MAST4: variants seen among roughly 807,000 people sequenced by gnomAD.
MAST4 encodes the protein microtubule associated serine/threonine kinase family member 4.
MAST4 carries 89 observed loss-of-function variants against 162.7 expected under a neutral mutation model. The observed-to-expected ratio is 0.55, with a 90% confidence interval of 0.46 to 0.65. MAST4 has a LOEUF of 0.65. MAST4 is among the 30% of genes least tolerant of loss of function. MAST4 has a pLI of 0.00. For missense variants in MAST4, 3,153 were observed against 3,374.0 expected (o/e 0.93, Z 1.62); for synonymous variants, 1,479 against 1,361.1 (o/e 1.09, Z -1.91).
chr5:66,662,111 A>G (rs1338190867), intron 1 of MAST4, among the ~76,000 whole-genome samples: 1 of 151,550 alleles, frequency 6.6e-6, no homozygotes, highest in Non-Finnish European at 1.5e-5. Flanking sequence ...ATCAGCCACT[A>G]TTCTAGGCTC....
chr5:66,828,937 G>T, intron 3 of MAST4: 4 of 1,398,164 alleles, frequency 2.9e-6, no homozygotes, highest in Non-Finnish European at 4.0e-6. Flanking sequence ...AGCCATTGAG[G>T]ATTTCAAAGT....
chr5:66,845,182 A>G (rs894197763), intron 3 of MAST4, among the ~76,000 whole-genome samples: 4 of 140,460 alleles, frequency 2.8e-5, no homozygotes, highest in African/African-American at 1.0e-4. Flanking sequence ...GGTTTGTTAC[A>G]TATGTATACA....
chr5:66,914,526 G>T (rs1763977763), intron 4 of MAST4, among the ~76,000 whole-genome samples: 1 of 152,136 alleles, frequency 6.6e-6, no homozygotes, highest in Non-Finnish European at 1.5e-5. Context: ...ATAATGGAGA[G>T]CTCACGCTTA....
chr5:66,681,619 T>C (rs999559288), intron 1 of MAST4, among the ~76,000 whole-genome samples: 1 of 152,242 alleles, frequency 6.6e-6, no homozygotes, highest in Non-Finnish European at 1.5e-5. Context: ...TGCAGGCTTC[T>C]TCCTGAATGT....
chr5:66,936,562 A>G (rs1433159020), intron 4 of MAST4, among the ~76,000 whole-genome samples: 1 of 152,180 alleles, frequency 6.6e-6, no homozygotes, highest in Non-Finnish European at 1.5e-5. Context: ...AGTACGGGTC[A>G]CAAGGTACTC....
chr5:66,608,009 GAA>G (rs967838064), intron 1 of MAST4, among the ~76,000 whole-genome samples: 14 of 151,322 alleles, frequency 9.3e-5, no homozygotes, highest in Non-Finnish European at 1.6e-4. Flanking sequence ...ATTTTGAAAT[GAA>G]ATGATTAAAT....
chr5:66,778,301 T>C (rs1156892176), intron 2 of MAST4, among the ~76,000 whole-genome samples: 1 of 152,156 alleles, frequency 6.6e-6, no homozygotes, highest in Non-Finnish European at 1.5e-5. Flanking sequence ...TCCAGAAAAA[T>C]GCCACCTGAC....
intron 4 of MAST4, among the ~76,000 whole-genome samples, chr5:66,930,466 G>T (rs1401384934): frequency 6.6e-6 from 1 of 152,198 alleles, no homozygotes; most frequent in East Asian, 1.9e-4. Flanking sequence ...CAAAAGGTCT[G>T]ATCTTTAGCT....
chr5:66,785,232 AAAAAC>A (rs1193228316), intron 2 of MAST4, among the ~76,000 whole-genome samples: 2 of 152,204 alleles, frequency 1.3e-5, no homozygotes, highest in Non-Finnish European at 2.9e-5. Flanking sequence ...CCCTGTCTCA[AAAAAC>A]AAAACAAAAC....
Position 66,932,662 on chromosome 5 carries a change from G to A in MAST4, c.674+32680G>A, listed in dbSNP as rs151134651. 6.7e-3 allele frequency among the ~76,000 whole-genome samples: 1,024 copies of A among 152,236 alleles called. 14 individuals carry two copies. The highest frequency in any genetic ancestry group is 0.024 in the African/African-American group (979 of 41,546). On this transcript the variant is annotated intron_variant, in intron 4 of 28. Transcript: ENST00000403625. ...TGATGAAAGTTTTCTCCATATTGGG[G>A]TTGGTAATTAGCTATGCGTGGGTCA...
rs371891806 is a variant in MAST4 at position 67,133,547 on chromosome 5, G to A, written c.2127G>A (p.Leu709=). The A allele has an allele frequency of 6.2e-7, 1 of 1,613,300 alleles. No individual in the cohort carries two copies. Among genetic ancestry groups the A allele is most frequent in the African/African-American group, 1.3e-5 (1 of 74,898 alleles). The change falls in exon 17 of 29, where the codon CTG becomes CTA. Residue 709 remains leucine (L), a synonymous_variant. Coordinates refer to ENST00000403625, the MANE Select transcript of MAST4 (RefSeq NM_001164664.2). ...TTACCTCCATGGGGCACATAAAGCT[G>A]ACAGATTTTGGATTATCTAAGGTGG... is the stretch of plus-strand genomic sequence containing the variant. ...LLVTSMGHIK[L]TDFGLSKVGL...
At chr5:67,058,284 A>G (rs1759106629) in intron 5 of MAST4, among the ~76,000 whole-genome samples, 1 of 152,204 alleles carries the variant, frequency 6.6e-6, no homozygotes, top group Non-Finnish European at 1.5e-5. Flanking sequence ...CAGTGATAGC[A>G]AAGATATGGG....
intron 3 of MAST4, among the ~76,000 whole-genome samples, chr5:66,801,937 G>C (rs1422936242): frequency 6.6e-6 from 1 of 152,172 alleles, no homozygotes. Flanking sequence ...ATAATTGTCA[G>C]CAAATAAAAT....
At chr5:66,707,320 T>C (rs1230172773) in intron 1 of MAST4, among the ~76,000 whole-genome samples, 2 of 152,162 alleles carry the variant, frequency 1.3e-5, no homozygotes, top group East Asian at 1.9e-4. Context: ...GGTGCTGTGA[T>C]AGTAGAGCCA....
chr5:66,874,970 A>G (rs34906198), intron 3 of MAST4, among the ~76,000 whole-genome samples: 1,618 of 152,298 alleles, frequency 0.011, 24 homozygotes, highest in Middle Eastern at 0.037. Context: ...CATAGATGAT[A>G]TAATATAAAG....
At chr5:67,117,707 T>G (rs1012275606) in intron 12 of MAST4, among the ~76,000 whole-genome samples, 5 of 152,074 alleles carry the variant, frequency 3.3e-5, no homozygotes, top group Admixed American at 2.6e-4. Flanking sequence ...ATAAGACCTA[T>G]CATAGATTTA....
intron 21 of MAST4, chr5:67,143,072 G>A (rs538503362): frequency 6.6e-6 from 1 of 152,474 alleles, no homozygotes; most frequent in Non-Finnish European, 1.5e-5. Context: ...AAAGGAGAAG[G>A]CTCAGTCCTT....
At chr5:66,957,429 A>G (rs1745452389) in intron 4 of MAST4, among the ~76,000 whole-genome samples, 1 of 151,874 alleles carries the variant, frequency 6.6e-6, no homozygotes, top group African/African-American at 2.4e-5. Flanking sequence ...TCCCGCCTCA[A>G]CCTTCTGAGT....
intron 23 of MAST4, 52 bp downstream of exon 23, chr5:67,145,431 C>T: frequency 6.6e-7 from 1 of 1,520,934 alleles, no homozygotes; most frequent in Non-Finnish European, 9.1e-7. Flanking sequence ...CTAAGTGTCT[C>T]CTAGTGCTCA....
Sources: allele counts gnomAD v4.1 joint callset (sites outside exome capture counted in the v4.1 genomes callset), GRCh38; gene constraint gnomAD v4.1.1; transcripts MANE v1.5; gene names NCBI Gene and HGNC (gene_info 2026-07-23, HGNC 2026-07-21).